HEMK2: variants seen among roughly 807,000 people sequenced by gnomAD.
HEMK2 encodes HemK methyltransferase 2, ETF1 glutamine and histone H4 lysine.
the HEMK2 span, among the ~76,000 whole-genome samples, chr21:28,821,186 C>G: frequency 1.7e-3 from 264 of 152,264 alleles, 2 homozygotes; most frequent in African/African-American, 5.9e-3. Flanking sequence ...CCCACCATCA[C>G]CCGACCCCGG....
the HEMK2 span, among the ~76,000 whole-genome samples, chr21:28,707,375 C>G: frequency 1.3e-5 from 2 of 151,896 alleles, no homozygotes; most frequent in Admixed American, 1.3e-4. Flanking sequence ...CCCACCTCAG[C>G]CTCCCAAGTA....
the HEMK2 span, among the ~76,000 whole-genome samples, chr21:28,734,338 C>T: frequency 1.3e-5 from 2 of 152,070 alleles, no homozygotes; most frequent in East Asian, 3.8e-4. Context: ...ATGTTTTCAT[C>T]TTTGTTTTTT....
chr21:28,783,956 G>A, the HEMK2 span, among the ~76,000 whole-genome samples: 3 of 152,220 alleles, frequency 2.0e-5, no homozygotes, highest in Admixed American at 6.5e-5. Flanking sequence ...TGCCGGCGCT[G>A]AGCTCTAATT....
At chr21:28,635,101 C>CTTTTTTTTTTTTTTTTT in the HEMK2 span, among the ~76,000 whole-genome samples, 1 of 142,904 alleles carries the variant, frequency 7.0e-6, no homozygotes. Flanking sequence ...ATGTCCTCAT[C>CTTTTTTTTTTTTTTTTT]TTTTTTTTTT....
chr21:28,822,959 A>G, the HEMK2 span, among the ~76,000 whole-genome samples: 2 of 152,000 alleles, frequency 1.3e-5, no homozygotes, highest in Non-Finnish European at 2.9e-5. Context: ...AGTACTTTGC[A>G]TTTTTGAATT....
chr21:28,877,903 T>C, the HEMK2 span, among the ~76,000 whole-genome samples: 4 of 152,198 alleles, frequency 2.6e-5, no homozygotes, highest in South Asian at 6.2e-4. Flanking sequence ...AAATTCATAA[T>C]ACTGAGAGTG....
At chr21:28,619,452 G>A in the HEMK2 span, among the ~76,000 whole-genome samples, 1 of 152,074 alleles carries the variant, frequency 6.6e-6, no homozygotes, top group African/African-American at 2.4e-5. Context: ...TTTGTAAATG[G>A]GATTTACTTT....
chr21:28,779,855 G>A, the HEMK2 span, among the ~76,000 whole-genome samples: 2 of 152,110 alleles, frequency 1.3e-5, no homozygotes, highest in African/African-American at 4.8e-5. Context: ...TATGCAAAAA[G>A]AGTTTATTGT....
chr21:28,700,067 T>C, the HEMK2 span, among the ~76,000 whole-genome samples: 1 of 152,172 alleles, frequency 6.6e-6, no homozygotes, highest in Non-Finnish European at 1.5e-5. Context: ...CAACACAGTG[T>C]TTGAGACTTA....
chr21:28,811,832 C>T, the HEMK2 span, among the ~76,000 whole-genome samples: 13,052 of 152,154 alleles, frequency 0.086, 1,307 homozygotes, highest in African/African-American at 0.23. Flanking sequence ...AAAAGTTTTC[C>T]ACCACATCTC....
At chr21:28,719,750 A>T in the HEMK2 span, among the ~76,000 whole-genome samples, 1 of 152,216 alleles carries the variant, frequency 6.6e-6, no homozygotes. Flanking sequence ...CTGCCCACCC[A>T]AATACACGGA....
chr21:28,731,797 T>A, the HEMK2 span, among the ~76,000 whole-genome samples: 2 of 134,868 alleles, frequency 1.5e-5, no homozygotes, highest in Non-Finnish European at 3.1e-5. Flanking sequence ...AGTCCCTTCA[T>A]GACATAGGGC....
At chr21:28,699,749 CAT>C in the HEMK2 span, among the ~76,000 whole-genome samples, 1 of 152,148 alleles carries the variant, frequency 6.6e-6, no homozygotes, top group East Asian at 1.9e-4. Flanking sequence ...CAAGCACAAA[CAT>C]GTCTGTCCTC....
the HEMK2 span, among the ~76,000 whole-genome samples, chr21:28,878,878 AGT>A: frequency 6.7e-6 from 1 of 149,698 alleles, no homozygotes; most frequent in Non-Finnish European, 1.5e-5. Flanking sequence ...TGTAGTTTAA[AGT>A]GTGAAACACA....
the HEMK2 span, among the ~76,000 whole-genome samples, chr21:28,756,542 T>C: frequency 6.6e-6 from 1 of 152,152 alleles, no homozygotes; most frequent in Non-Finnish European, 1.5e-5. Flanking sequence ...ACACATTAAA[T>C]ATGTATCATT....
chr21:28,716,870 G>A, the HEMK2 span, among the ~76,000 whole-genome samples: 3 of 152,152 alleles, frequency 2.0e-5, no homozygotes, highest in African/African-American at 7.2e-5. Flanking sequence ...TAATCATACA[G>A]TTTTGTTTGC....
chr21:28,864,309 A>G, the HEMK2 span, among the ~76,000 whole-genome samples: 1 of 152,220 alleles, frequency 6.6e-6, no homozygotes, highest in Non-Finnish European at 1.5e-5. Flanking sequence ...GGCCTTCTAA[A>G]GCAAAAGACA....
chr21:28,597,699 G>T, the HEMK2 span, among the ~76,000 whole-genome samples: 2 of 152,326 alleles, frequency 1.3e-5, no homozygotes, highest in South Asian at 4.1e-4. Context: ...AGAAAGAAGA[G>T]AAGTACTTTT....
the HEMK2 span, among the ~76,000 whole-genome samples, chr21:28,586,187 A>G: frequency 6.6e-6 from 1 of 152,222 alleles, no homozygotes; most frequent in African/African-American, 2.4e-5. Context: ...ATTAACTTAA[A>G]AAAACTTAAA....
Sources: gnomAD v4.1 joint callset for allele counts (sites outside exome capture counted in the v4.1 genomes callset) on GRCh38, gnomAD v4.1.1 for gene constraint, MANE v1.5 for transcripts, NCBI Gene and HGNC (gene_info 2026-07-23, HGNC 2026-07-21) for gene names.